The following DMTF1 variants were observed in gnomAD, a reference collection of about 807,000 sequenced individuals.
DMTF1 encodes cyclin-D-binding Myb-like transcription factor 1.
In DMTF1, 39 loss-of-function variants were observed where a neutral mutation model predicts 91.1. That is an observed-to-expected ratio of 0.43 (90% CI 0.33 to 0.56). The LOEUF is 0.56. DMTF1 is among the 20% of genes least tolerant of loss of function. The probability of loss-of-function intolerance (pLI) is 0.05; values close to 1 mark genes in which losing one functional copy is unlikely to be tolerated. For synonymous variants in DMTF1, 338 were observed against 309.5 expected, an observed-to-expected ratio of 1.09 and a Z score of -0.97; for missense variants, 750 against 914.5, an observed-to-expected ratio of 0.82 and a Z score of 2.32.
intron 2 of DMTF1, among the ~76,000 whole-genome samples, chr7:87,164,583 C>T (rs113613739): frequency 0.011 from 1,740 of 152,178 alleles, 32 homozygotes; most frequent in African/African-American, 0.04. Context: ...AAGTTAAGTA[C>T]CTACAAAGCT....
At position 87,193,144 on chromosome 7, in the gene DMTF1, T is replaced by C. The variant is rs576213748; in HGVS notation, c.1495-54T>C. 2.1e-5 allele frequency: 34 copies of C among 1,591,232 alleles called. 1 individual carries two copies. In the East Asian group the frequency reaches 7.2e-4, roughly 34 times the overall value. Reference sequence around the variant, plus strand: ...TAGTAAACTAAACTCAGTCCGTTTTTGTATATAAAAGTAGACTTAATCATT... The same window carrying C: ...TAGTAAACTAAACTCAGTCCGTTTTCGTATATAAAAGTAGACTTAATCATT... On this transcript the variant is annotated intron_variant, in intron 14 of 17. Coordinates refer to ENST00000331242, the MANE Select transcript of DMTF1 (RefSeq NM_001142327.2).
chr7:87,188,176 C>T lies in DMTF1; in HGVS notation c.1286C>T (p.Pro429Leu), dbSNP rs781433505. 1 of 1,613,934 alleles carries T rather than the reference C, an allele frequency of 6.2e-7. No homozygotes were observed. Among genetic ancestry groups the T allele is most frequent in the Non-Finnish European group, 8.5e-7 (1 of 1,179,904 alleles). The stretch of plus-strand genomic sequence containing the variant: ...GAGAATAAATCAGGATCTGGAGTTC[C>T]AAACAGTAATACCAATTCCAGTGTG... ...LLENKSGSGV[P>L]NSNTNSSVQH... Residue 429 changes from proline to leucine, a missense_variant, in exon 13 of 18, where the codon CCA (proline) becomes CTA (leucine). Physicochemically the swap from Pro to Leu is moderately conservative, Grantham distance 98 (BLOSUM62 -3). Around this residue, in one of 3 missense-constraint regions of DMTF1, gnomAD observed 410 missense variants for 420.2 expected, o/e 0.98. Coordinates refer to ENST00000331242, the MANE Select transcript of DMTF1 (RefSeq NM_001142327.2).
chr7:87,183,716 T>A (rs1487351657), intron 10 of DMTF1, among the ~76,000 whole-genome samples: 1 of 152,190 alleles, frequency 6.6e-6, no homozygotes, highest in Non-Finnish European at 1.5e-5. Context: ...AAAAATGGCT[T>A]TTTTCCCTTT....
chr7:87,174,235 C>T lies in DMTF1; in HGVS notation c.443-358C>T, dbSNP rs191800848. Among the ~76,000 whole-genome samples the T allele has an allele frequency of 2.5e-3, 384 of 152,254 alleles. 3 individuals carry two copies. The highest frequency in any genetic ancestry group is 8.8e-3 in the African/African-American group (366 of 41,552). On this transcript the variant is annotated intron_variant, in intron 6 of 17. Transcript: ENST00000331242. ...GTTTTTTGTATGTGTTCTTTTTGCC[C>T]ATAAAATTTTCACTGGAGAAATTTT...
At chr7:87,167,746 C>T (rs536504286) in intron 4 of DMTF1, among the ~76,000 whole-genome samples, 3 of 152,236 alleles carry the variant, frequency 2.0e-5, no homozygotes, top group East Asian at 3.9e-4. Flanking sequence ...ATTAAATATT[C>T]GTTCCTCCTG....
At chr7:87,159,062 G>C (rs1228537835) in intron 1 of DMTF1, among the ~76,000 whole-genome samples, 2 of 152,058 alleles carry the variant, frequency 1.3e-5, no homozygotes, top group Non-Finnish European at 2.9e-5. Flanking sequence ...ATTTACAGAT[G>C]GTGGTTGAAA....
At chr7:87,167,098 T>C (rs1794001426) in intron 4 of DMTF1, among the ~76,000 whole-genome samples, 1 of 152,210 alleles carries the variant, frequency 6.6e-6, no homozygotes, top group African/African-American at 2.4e-5. Flanking sequence ...CACAGAAAAT[T>C]ATAATAACTT....
intron 5 of DMTF1, 138 bp downstream of exon 5, chr7:87,171,227 T>C: frequency 2.0e-6 from 1 of 497,212 alleles, no homozygotes; most frequent in South Asian, 4.0e-5. Context: ...TAGCCCTTAT[T>C]ATGAAACAAA....
At chr7:87,169,087 T>G (rs563186855) in intron 4 of DMTF1, among the ~76,000 whole-genome samples, 1 of 152,330 alleles carries the variant, frequency 6.6e-6, no homozygotes, top group South Asian at 2.1e-4. Context: ...AATTATTTTG[T>G]TTCTTCTGTA....
At chr7:87,166,342 G>A in intron 3 of DMTF1, 141 bp from the exon 4 acceptor site, 1 of 763,880 alleles carries the variant, frequency 1.3e-6, no homozygotes, top group Admixed American at 2.9e-5. Flanking sequence ...TTTGAATCCT[G>A]TTTGCACAAC....
At chr7:87,168,530 C>T (rs540054184) in intron 4 of DMTF1, among the ~76,000 whole-genome samples, 2 of 152,264 alleles carry the variant, frequency 1.3e-5, no homozygotes, top group South Asian at 4.1e-4. Flanking sequence ...TCCTTCTCTA[C>T]TTGTATCCTT....
chr7:87,191,025 C>A lies in DMTF1; in HGVS notation c.1492C>A (p.Pro498Thr). 1 of 1,588,812 alleles carries A rather than the reference C, an allele frequency of 6.3e-7. No homozygotes were observed. Among genetic ancestry groups the A allele is most frequent in the Non-Finnish European group, 8.6e-7 (1 of 1,161,768 alleles). Residue 498 changes from proline (P) to threonine (T), a missense_variant and splice_region_variant, in exon 14 of 18, where the codon CCC (proline) becomes ACC (threonine). By Grantham distance (38) the Pro-to-Thr change is conservative. Transcript: ENST00000331242. ...SGTLQTFEIL[P>T]SFHLQPTGTP... ...AACACTACAGACATTTGAGATTCTT[C>A]CCGTGAGTAACGCTTCATATATATT...
rs921626101 is a variant in DMTF1, at chr7:87,196,173, A to T, written c.*1033A>T. ...AGAAAAAAAAACCCTTGTATAAATT[A>T]TTTTATTTATTATTGTAATTAGATC... On this transcript the variant is annotated 3_prime_UTR_variant, in exon 18 of 18. Coordinates refer to ENST00000331242, the MANE Select transcript of DMTF1 (RefSeq NM_001142327.2). 1 of 153,320 alleles carries T rather than the reference A, an allele frequency of 6.5e-6. No homozygotes were observed. The highest frequency in any genetic ancestry group is 2.4e-5 in the African/African-American group (1 of 41,426). The allele number at this position is 153,320 out of a possible 1,614,324, so 9.5% of individuals were successfully genotyped here.
chr7:87,175,392 GTTTAT>G (rs1796062445), intron 7 of DMTF1, among the ~76,000 whole-genome samples: 1 of 152,102 alleles, frequency 6.6e-6, no homozygotes, highest in Non-Finnish European at 1.5e-5. Flanking sequence ...CAAAAATTTA[GTTTAT>G]TTTCTTATTC....
At chr7:87,168,328 C>T (rs896673053) in intron 4 of DMTF1, among the ~76,000 whole-genome samples, 1 of 152,150 alleles carries the variant, frequency 6.6e-6, no homozygotes, top group Non-Finnish European at 1.5e-5. Context: ...ACCTTAGCCT[C>T]TTATTCCTTT....
intron 7 of DMTF1, among the ~76,000 whole-genome samples, chr7:87,178,676 T>C (rs1438281817): frequency 1.3e-5 from 2 of 152,084 alleles, no homozygotes; most frequent in East Asian, 1.9e-4. Flanking sequence ...TGTTAGTGAA[T>C]GCGTTTGACC....
chr7:87,153,191 G>A (rs1789714612), intron 1 of DMTF1, among the ~76,000 whole-genome samples: 2 of 152,200 alleles, frequency 1.3e-5, no homozygotes, highest in Middle Eastern at 6.8e-3. Context: ...CCCAGACATA[G>A]AGAATCGGGA....
In DMTF1 at chr7:87,152,470, T is replaced by G. The variant is rs1163434529; in HGVS notation, c.-217T>G. 1 of 153,630 alleles carries G rather than the reference T, an allele frequency of 6.5e-6. No homozygotes were observed. The highest frequency in any genetic ancestry group is 2.4e-5 in the African/African-American group (1 of 41,558). 9.5% of individuals were successfully genotyped at this position (153,630 alleles called of 1,614,324 possible). A position where few individuals can be genotyped will look rare whatever the true frequency, so the allele number is the denominator to read the frequency against. On this transcript the variant is annotated 5_prime_UTR_variant, in exon 1 of 18. Transcript: ENST00000331242. Reference sequence around the variant, plus strand: ...GCTCGCTCACTCCAGCTGCAGCCACTCTCGCCCGTGGCTGCTTCCTCCATC... The same window carrying G: ...GCTCGCTCACTCCAGCTGCAGCCACGCTCGCCCGTGGCTGCTTCCTCCATC...
intron 1 of DMTF1, among the ~76,000 whole-genome samples, chr7:87,161,067 AAAT>A (rs1792234016): frequency 6.6e-6 from 1 of 152,106 alleles, no homozygotes; most frequent in Non-Finnish European, 1.5e-5. Flanking sequence ...ATATTAATAA[AAAT>A]AACCTACCTT....
Sources: gnomAD v4.1 joint callset for allele counts (sites outside exome capture counted in the v4.1 genomes callset) on GRCh38, gnomAD v4.1.1 for gene constraint, gnomAD v4.1.1 regional missense constraint, MANE v1.5 for transcripts, NCBI Gene and HGNC (gene_info 2026-07-23, HGNC 2026-07-21) for gene names.